Variants in KALRN observed in about 807,000 individuals in gnomAD.
The protein encoded by KALRN is kalirin RhoGEF kinase.
In KALRN, 70 loss-of-function variants were observed where a neutral mutation model predicts 353.7. The ratio of observed to expected loss-of-function variants is 0.20; its 90% CI spans 0.16 to 0.24. KALRN has a LOEUF of 0.24. KALRN is among the 10% of genes least tolerant of loss of function. The pLI is 1.00. For synonymous variants in KALRN, 1,391 were observed against 1,434.8 expected (o/e 0.97, Z 0.69); for missense variants, 2,791 against 3,756.7 (o/e 0.74, Z 6.72).
intron 34 of KALRN, among the ~76,000 whole-genome samples, chr3:124,597,047 TAAAAA>T (rs71270413): frequency 1.4e-5 from 2 of 145,344 alleles, no homozygotes; most frequent in Non-Finnish European, 3.0e-5. Context: ...GACTCTGTCT[TAAAAA>T]AAAACAAAAA....
chr3:124,439,122 T>A, intron 18 of KALRN, 85 bp downstream of exon 18: 1 of 1,335,700 alleles, frequency 7.5e-7, no homozygotes, highest in Non-Finnish European at 1.0e-6. Flanking sequence ...CTCTTTTCTT[T>A]CTTTCTCTTT....
intron 33 of KALRN, among the ~76,000 whole-genome samples, chr3:124,561,339 T>A (rs903570619): frequency 6.6e-6 from 1 of 152,228 alleles, no homozygotes; most frequent in Non-Finnish European, 1.5e-5. Flanking sequence ...TTTCCTGATC[T>A]GATCCCAATG....
At chr3:124,119,223 A>C (rs1004555685) in intron 1 of KALRN, among the ~76,000 whole-genome samples, 3 of 152,186 alleles carry the variant, frequency 2.0e-5, no homozygotes, top group Non-Finnish European at 2.9e-5. Flanking sequence ...CAACTGTTGC[A>C]CAGATGTGGT....
intron 33 of KALRN, among the ~76,000 whole-genome samples, chr3:124,527,252 G>C (rs537824011): frequency 6.6e-6 from 1 of 152,238 alleles, no homozygotes; most frequent in African/African-American, 2.4e-5. Flanking sequence ...AAATGGAGAG[G>C]TAAGGGTTTT....
chr3:124,541,869 G>T (rs1433807213), intron 33 of KALRN, among the ~76,000 whole-genome samples: 1 of 151,872 alleles, frequency 6.6e-6, no homozygotes, highest in Non-Finnish European at 1.5e-5. Context: ...TCTAGCCCAG[G>T]TTACAGAGGG....
intron 9 of KALRN, among the ~76,000 whole-genome samples, chr3:124,336,155 T>C (rs2081114797): frequency 6.6e-6 from 1 of 151,924 alleles, no homozygotes; most frequent in Non-Finnish European, 1.5e-5. Flanking sequence ...CCTTGAAGAG[T>C]CCTCTTCTGA....
At chr3:124,190,240 A>G (rs142304970) in intron 1 of KALRN, among the ~76,000 whole-genome samples, 144 of 152,334 alleles carry the variant, frequency 9.5e-4, no homozygotes, top group African/African-American at 3.2e-3. Context: ...AGCTGAAACA[A>G]GCAGGGAGCT....
intron 1 of KALRN, among the ~76,000 whole-genome samples, chr3:124,071,100 G>A (rs2059996101): frequency 6.6e-6 from 1 of 152,124 alleles, no homozygotes; most frequent in African/African-American, 2.4e-5. Flanking sequence ...TCAGGAAGGG[G>A]AGGGAGGCAG....
intron 9 of KALRN, among the ~76,000 whole-genome samples, chr3:124,343,736 G>A (rs946211531): frequency 6.6e-6 from 1 of 152,196 alleles, no homozygotes; most frequent in African/African-American, 2.4e-5. Context: ...CAGAGAAGAT[G>A]CGTTTGGCTG....
intron 1 of KALRN, among the ~76,000 whole-genome samples, chr3:124,089,271 G>GGGGATGGAGAAGGGCAT (rs1347918813): frequency 1.3e-5 from 2 of 152,206 alleles, no homozygotes; most frequent in Non-Finnish European, 2.9e-5. Context: ...AGTTCCTGGA[G>GGGGATGGAGAAGGGCAT]GGGATGGAGA....
chr3:124,222,122 T>G (rs992584539), intron 1 of KALRN, among the ~76,000 whole-genome samples: 2 of 152,088 alleles, frequency 1.3e-5, no homozygotes, highest in Admixed American at 6.5e-5. Flanking sequence ...CTACCGAAAG[T>G]AGTTAGAGAA....
chr3:124,461,802 T>C (rs893757592), intron 23 of KALRN, 88 bp from the exon 24 acceptor site: 8 of 893,724 alleles, frequency 9.0e-6, no homozygotes, highest in Non-Finnish European at 1.3e-5. Context: ...TTTAAGAATG[T>C]CATACATGCT....
chr3:124,059,201 C>G (rs1209041098), intron 1 of KALRN, among the ~76,000 whole-genome samples: 1 of 152,068 alleles, frequency 6.6e-6, no homozygotes. Context: ...TAGATCCAAA[C>G]AACTTAATAA....
At chr3:124,643,321 A>T (rs534627552) in intron 37 of KALRN, among the ~76,000 whole-genome samples, 3 of 150,100 alleles carry the variant, frequency 2.0e-5, no homozygotes, top group Admixed American at 6.7e-5. Flanking sequence ...CCTCCACAAA[A>T]TTTTTTTTTT....
intron 18 of KALRN, 24 bp downstream of exon 18, chr3:124,439,061 GGCTC>G: frequency 5.0e-6 from 8 of 1,606,910 alleles, no homozygotes; most frequent in Non-Finnish European, 6.0e-6. Flanking sequence ...GTCATGCAAG[GGCTC>G]AGACTCCTGG....
rs2071319160 is a variant in KALRN at position 124,556,850 on chromosome 3, A to G, written c.4936-5993A>G. 2.0e-5 allele frequency among the ~76,000 whole-genome samples: 3 copies of G among 152,182 alleles called. No homozygotes were observed. The South Asian group carries it at 6.2e-4, about 31-fold the overall frequency. ...CAATACCAGTGTTAACATTTCAACGAATTTTCCTTCTGTTTCCTATGAATA... is the reference window on the plus strand; with the variant it reads ...CAATACCAGTGTTAACATTTCAACGGATTTTCCTTCTGTTTCCTATGAATA... On this transcript the variant is annotated intron_variant, in intron 33 of 59. Coordinates refer to ENST00000682506, the MANE Select transcript of KALRN (RefSeq NM_001388419.1).
intron 1 of KALRN, among the ~76,000 whole-genome samples, chr3:124,124,834 T>C (rs970009520): frequency 2.6e-5 from 4 of 152,234 alleles, no homozygotes; most frequent in African/African-American, 9.6e-5. Context: ...TTTTTAGACA[T>C]GCTATTGCAC....
Position 124,642,806 on chromosome 3 carries a change from G to GTTGTTTTTTTTTTTTTTTTTTT in KALRN, c.5664+5505_5664+5506insGTTTTTTTTTTTTTTTTTTTTT, listed in dbSNP as rs796628603. Among the ~76,000 whole-genome samples, 85 of 96,816 alleles carry GTTGTTTTTTTTTTTTTTTTTTT rather than the reference G, an allele frequency of 8.8e-4. 10 individuals are homozygous for GTTGTTTTTTTTTTTTTTTTTTT. The highest frequency in any genetic ancestry group is 2.6e-3 in the African/African-American group (58 of 22,310). The allele number at this position is 96,816 out of a possible 152,430, so 63.5% of individuals were successfully genotyped here. On this transcript the variant is annotated intron_variant, in intron 37 of 59. Transcript: ENST00000682506. ...TCTGTGGAAGAGATTCCCAAGCCTCGTTTTTTTTTTTTTTTTTTTTGAGAC... is the reference window on the plus strand; with the variant it reads ...TCTGTGGAAGAGATTCCCAAGCCTCGTTGTTTTTTTTTTTTTTTTTTTTTTTTTTTTTTTTTTTTTTTGAGAC...
At chr3:124,496,000 T>C (rs1366309870) in intron 32 of KALRN, among the ~76,000 whole-genome samples, 57 of 56,328 alleles carry the variant, frequency 1.0e-3, no homozygotes, top group Middle Eastern at 6.8e-3. Context: ...TATATATATA[T>C]ATATATATAT....
Sources: gnomAD v4.1 joint callset for allele counts (sites outside exome capture counted in the v4.1 genomes callset) on GRCh38, gnomAD v4.1.1 for gene constraint, MANE v1.5 for transcripts, NCBI Gene and HGNC (gene_info 2026-07-23, HGNC 2026-07-21) for gene names.